Variants in MAP4K4 observed in about 807,000 individuals in gnomAD.
The protein encoded by MAP4K4 is mitogen-activated protein kinase kinase kinase kinase 4, also known as HPK/GCK-like kinase HGK.
In MAP4K4, 38 loss-of-function variants were observed where a neutral mutation model predicts 189.6. The observed-to-expected ratio is 0.20, with a 90% CI of 0.15 to 0.26. The LOEUF (loss-of-function observed/expected upper bound fraction) is 0.26. Among genes scored for constraint, MAP4K4 ranks in the 10% least tolerant of loss-of-function variants. The pLI is 1.00. For missense variants in MAP4K4, 1,054 were observed against 1,726.9 expected (o/e 0.61, Z 6.91); for synonymous variants, 610 against 624.3 (o/e 0.98, Z 0.34).
At chr2:101,784,784 A>G (rs1043362453) in intron 2 of MAP4K4, among the ~76,000 whole-genome samples, 2 of 152,174 alleles carry the variant, frequency 1.3e-5, no homozygotes, top group Non-Finnish European at 2.9e-5. Flanking sequence ...GGCAGTTCCT[A>G]TGTAAGTTGG....
At chr2:101,882,116 A>G (rs2098407059) in intron 27 of MAP4K4, among the ~76,000 whole-genome samples, 1 of 152,220 alleles carries the variant, frequency 6.6e-6, no homozygotes, top group Non-Finnish European at 1.5e-5. Context: ...AGTTTACAAC[A>G]CTAGTTTCTG....
At chr2:101,854,323 G>T (rs1180946960) in intron 12 of MAP4K4, among the ~76,000 whole-genome samples, 1 of 152,200 alleles carries the variant, frequency 6.6e-6, no homozygotes, top group Non-Finnish European at 1.5e-5. Context: ...CATTAAAGTT[G>T]TAGTTTTTAG....
intron 2 of MAP4K4, among the ~76,000 whole-genome samples, chr2:101,788,103 C>CT (rs112653226): frequency 0.038 from 5,532 of 145,384 alleles, 270 homozygotes; most frequent in African/African-American, 0.11. Context: ...TTCACCTGGC[C>CT]TTTTTTTTTT....
In MAP4K4 at chr2:101,873,667, A is replaced by T. The variant is rs773166231; in HGVS notation, c.2973A>T (p.Thr991=). 2.5e-5 allele frequency: 40 copies of T among 1,608,308 alleles called. No individual in the cohort carries two copies. The East Asian group carries it at 8.0e-4, about 32-fold the overall frequency. The change falls in exon 25 of 33, where the codon ACA becomes ACT. Residue 991 remains threonine (T), a synonymous_variant. Coordinates refer to ENST00000324219, the Ensembl canonical transcript of MAP4K4. Reference sequence around the variant, plus strand: ...TGCAGACTCAGTCCGCTAGTAGCACACTCCAGAAACACAAATCTTCCTCCT... The same window carrying T: ...TGCAGACTCAGTCCGCTAGTAGCACTCTCCAGAAACACAAATCTTCCTCCT...
intron 24 of MAP4K4, among the ~76,000 whole-genome samples, chr2:101,872,490 A>C (rs1257927978): frequency 6.6e-6 from 1 of 152,148 alleles, no homozygotes; most frequent in East Asian, 1.9e-4. Context: ...AGCCCACTTG[A>C]GCACCCGTAT....
chr2:101,728,507 T>C (rs777975284), intron 2 of MAP4K4, among the ~76,000 whole-genome samples: 1 of 152,180 alleles, frequency 6.6e-6, no homozygotes, highest in Non-Finnish European at 1.5e-5. Flanking sequence ...CTAGATTTTA[T>C]AGTAACACTT....
At chr2:101,747,037 G>C (rs2065963746) in intron 2 of MAP4K4, among the ~76,000 whole-genome samples, 1 of 152,134 alleles carries the variant, frequency 6.6e-6, no homozygotes, top group African/African-American at 2.4e-5. Context: ...GGGTAGAGTG[G>C]ACTATGAGAG....
intron 2 of MAP4K4, among the ~76,000 whole-genome samples, chr2:101,767,803 C>T (rs1315091381): frequency 6.6e-6 from 1 of 152,186 alleles, no homozygotes; most frequent in Non-Finnish European, 1.5e-5. Flanking sequence ...AGAAAATTCA[C>T]TTTAATAATT....
At chr2:101,842,222 T>C (rs1263159854) in intron 10 of MAP4K4, among the ~76,000 whole-genome samples, 1 of 152,208 alleles carries the variant, frequency 6.6e-6, no homozygotes, top group Non-Finnish European at 1.5e-5. Flanking sequence ...GTTGCCTTAG[T>C]TTCAGCAGTT....
At chr2:101,841,613 C>T (rs2096919572) in intron 10 of MAP4K4, among the ~76,000 whole-genome samples, 2 of 151,998 alleles carry the variant, frequency 1.3e-5, no homozygotes, top group Non-Finnish European at 2.9e-5. Flanking sequence ...GGATTATAGG[C>T]ATGTACCACC....
At chr2:101,820,589 A>G (rs183511973) in intron 3 of MAP4K4, among the ~76,000 whole-genome samples, 250 of 152,338 alleles carry the variant, frequency 1.6e-3, no homozygotes, top group African/African-American at 4.0e-3. Flanking sequence ...TTTAGAGCAC[A>G]TGTTTAATTA....
intron 2 of MAP4K4, among the ~76,000 whole-genome samples, chr2:101,755,929 C>CTTTTTTTTTTTTTTT (rs57392183): frequency 1.7e-5 from 1 of 57,742 alleles, no homozygotes; most frequent in Non-Finnish European, 3.1e-5. Flanking sequence ...AGTTCTTTTT[C>CTTTTTTTTTTTTTTT]TTTTTTTTTT....
At chr2:101,705,484 C>T (rs1005906145) in intron 2 of MAP4K4, among the ~76,000 whole-genome samples, 7 of 152,178 alleles carry the variant, frequency 4.6e-5, no homozygotes, top group Middle Eastern at 3.2e-3. Flanking sequence ...TCAACCTCAT[C>T]AGCAGGGCTT....
Position 101,874,067 on chromosome 2 carries a change from T to C in MAP4K4, c.3071-15T>C. On this transcript the variant is annotated splice_polypyrimidine_tract_variant and intron_variant, in intron 25 of 32. Coordinates refer to ENST00000324219, the Ensembl canonical transcript of MAP4K4. ...TGTGTGTACAGAAAATAATTTCAAA[T>C]ATATTGTGTTTCAGTGGGATTTTCC... is the stretch of plus-strand genomic sequence containing the variant. 1 of 1,609,420 alleles carries C rather than the reference T, an allele frequency of 6.2e-7. No individual in the cohort carries two copies. The highest frequency in any genetic ancestry group is 8.5e-7 in the Non-Finnish European group (1 of 1,177,260).
chr2:101,761,663 A>G (rs59281951), intron 2 of MAP4K4, among the ~76,000 whole-genome samples: 2,949 of 151,786 alleles, frequency 0.019, 112 homozygotes, highest in African/African-American at 0.068. Flanking sequence ...GGTTCAAGCA[A>G]TTCTGTCTTA....
chr2:101,813,407 T>C (rs1053422211), intron 3 of MAP4K4, among the ~76,000 whole-genome samples: 7 of 152,188 alleles, frequency 4.6e-5, no homozygotes, highest in Admixed American at 3.9e-4. Context: ...GTGCCCTTGG[T>C]GGTCACTCTC....
intron 2 of MAP4K4, among the ~76,000 whole-genome samples, chr2:101,701,563 A>C (rs996972807): frequency 7.2e-5 from 11 of 152,170 alleles, no homozygotes; most frequent in Admixed American, 2.6e-4. Flanking sequence ...GATAACTTCT[A>C]ATTTTCTGTG....
chr2:101,844,992 G>A (rs760677893), intron 12 of MAP4K4, among the ~76,000 whole-genome samples: 3 of 151,978 alleles, frequency 2.0e-5, no homozygotes, highest in East Asian at 3.8e-4. Flanking sequence ...GAAGAGTGCC[G>A]CGTGGCAAGG....
At chr2:101,876,518 G>C (rs1220186008) in intron 26 of MAP4K4, among the ~76,000 whole-genome samples, 1 of 152,208 alleles carries the variant, frequency 6.6e-6, no homozygotes, top group Non-Finnish European at 1.5e-5. Flanking sequence ...GATGGAAGCC[G>C]AATCATAAGC....
Sources: allele counts gnomAD v4.1 joint callset (sites outside exome capture counted in the v4.1 genomes callset), GRCh38; gene constraint gnomAD v4.1.1; transcripts MANE v1.5; gene names NCBI Gene and HGNC (gene_info 2026-07-23, HGNC 2026-07-21).